The following TPGS2 variants were observed in gnomAD, a reference collection of about 807,000 sequenced individuals.
TPGS2 encodes the protein polyglutamylase subunit 2.
A neutral mutation model predicts 31.1 loss-of-function variants in TPGS2; 26 were observed. That is an observed-to-expected ratio of 0.84 (90% confidence interval 0.61 to 1.16). TPGS2 has a LOEUF of 1.16. Ranked by LOEUF, TPGS2 falls within the 50% of genes most tolerant of loss-of-function variation. TPGS2 has a pLI of 0.00. For synonymous variants in TPGS2, 130 were observed against 136.6 expected (o/e 0.95, Z 0.34); for missense variants, 351 against 363.8 (o/e 0.96, Z 0.29).
intron 6 of TPGS2, among the ~76,000 whole-genome samples, chr18:36,787,513 A>T (rs993475724): frequency 6.6e-6 from 1 of 152,218 alleles, no homozygotes; most frequent in African/African-American, 2.4e-5. Flanking sequence ...GGGAATAATT[A>T]TAGTTTTTTA....
rs1384784111 is a variant in TPGS2 at position 36,796,952 on chromosome 18, A to C, written c.756T>G (p.Phe252Leu). ...GGATTACGATCTTGTTCTTGCTCTT[A>C]AACACTTTGCTGGGATCTAGCTTAT... Reference protein sequence around the residue: ...FVNKLDPSKVFKSKNKIVIPK... With the variant: ...FVNKLDPSKVLKSKNKIVIPK... The change falls in exon 7 of 7, where the codon TTT (phenylalanine) becomes TTG (leucine). Residue 252 changes from phenylalanine to leucine, a missense_variant. Physicochemically the swap from Phe to Leu is conservative, Grantham distance 22. Coordinates refer to ENST00000334295, the MANE Select transcript of TPGS2 (RefSeq NM_015476.4). 6.2e-7 allele frequency: 1 copy of C among 1,605,790 alleles called. No homozygotes were observed. The highest frequency in any genetic ancestry group is 8.5e-7 in the Non-Finnish European group (1 of 1,177,496).
At chr18:36,781,798 C>A (rs909133505), downstream of TPGS2, 3 of 985,466 alleles carry the variant, frequency 3.0e-6, no homozygotes, top group Non-Finnish European at 3.6e-6. Context: ...ACCCCACTTA[C>A]GGAGACAGGG....
At chr18:36,827,495 C>T (rs935491404) in intron 1 of TPGS2, among the ~76,000 whole-genome samples, 32 of 152,162 alleles carry the variant, frequency 2.1e-4, no homozygotes, top group Admixed American at 2.0e-3. Flanking sequence ...AGCAGGAACC[C>T]GCTTAGTGTG....
At chr18:36,814,757 C>T (rs1452238631) in intron 2 of TPGS2, among the ~76,000 whole-genome samples, 5 of 152,074 alleles carry the variant, frequency 3.3e-5, no homozygotes, top group African/African-American at 1.2e-4. Flanking sequence ...CACTTTATTC[C>T]GATGTTGCTT....
chr18:36,794,931 AG>A lies in TPGS2; in HGVS notation c.*1873del. ...TAAGTGGTTAGTTTTGGGATTGAAA[AG>A]GTAAGAGGTCTCGCTATTTTAAAGC... On this transcript the variant is annotated 3_prime_UTR_variant, in exon 7 of 7. Coordinates refer to ENST00000334295, the MANE Select transcript of TPGS2 (RefSeq NM_015476.4). The A allele has an allele frequency of 1.0e-6, 1 of 985,108 alleles. No homozygotes were observed. Among genetic ancestry groups the A allele is most frequent in the African/African-American group, 1.7e-5 (1 of 57,210 alleles). The allele number at this position is 985,108 out of a possible 1,614,324, so 61.0% of individuals were successfully genotyped here. A position where few individuals can be genotyped will look rare whatever the true frequency, so the allele number is the denominator to read the frequency against.
chr18:36,828,938 C>T lies in TPGS2; in HGVS notation c.-171G>A. The T allele has an allele frequency of 2.1e-6, 2 of 963,108 alleles. No homozygotes were observed. The highest frequency in any genetic ancestry group is 3.0e-6 in the Non-Finnish European group (2 of 677,668). The allele number at this position is 963,108 out of a possible 1,614,324, so 59.7% of individuals were successfully genotyped here. Reference sequence around the variant, plus strand: ...GTCTGACAGCAGCAGCTCCGTGGGGCGCCGGTTCCCGCGGCCCCGCCCGGT... The same window carrying T: ...GTCTGACAGCAGCAGCTCCGTGGGGTGCCGGTTCCCGCGGCCCCGCCCGGT... On this transcript the variant is annotated 5_prime_UTR_variant, in exon 1 of 7. Coordinates refer to ENST00000334295, the MANE Select transcript of TPGS2 (RefSeq NM_015476.4).
In TPGS2 at chr18:36,796,434, T is replaced by C. The variant is rs901497813; in HGVS notation, c.*371A>G. Reference sequence around the variant, plus strand: ...ATAGTCATATGTGACTAGTGGCTCCTGAATGAACAATGCAGTTCTAATGCT... The same window carrying C: ...ATAGTCATATGTGACTAGTGGCTCCCGAATGAACAATGCAGTTCTAATGCT... On this transcript the variant is annotated 3_prime_UTR_variant, in exon 7 of 7. Transcript: ENST00000334295. 24 of 1,025,664 alleles carry C rather than the reference T, an allele frequency of 2.3e-5. No homozygotes were observed. Among genetic ancestry groups the C allele is most frequent in the Non-Finnish European group, 2.7e-5 (23 of 857,230 alleles). 63.5% of individuals were successfully genotyped at this position (1,025,664 alleles called of 1,614,324 possible).
At chr18:36,798,819 A>G (rs899343851) in intron 5 of TPGS2, among the ~76,000 whole-genome samples, 16 of 152,148 alleles carry the variant, frequency 1.1e-4, no homozygotes, top group Non-Finnish European at 2.2e-4. Context: ...TACTCTTACA[A>G]ATTTTTGCTA....
At chr18:36,802,840 A>C (rs1277562723) in intron 4 of TPGS2, among the ~76,000 whole-genome samples, 1 of 152,018 alleles carries the variant, frequency 6.6e-6, no homozygotes. Flanking sequence ...GTTGGCCAGA[A>C]TGGTCTTGAT....
chr18:36,818,811 T>C (rs991182312), intron 2 of TPGS2, 83 bp downstream of exon 2: 87 of 1,268,116 alleles, frequency 6.9e-5, no homozygotes, highest in Non-Finnish European at 9.0e-5. Context: ...GTAAATATTC[T>C]TCCTCCCCTA....
At chr18:36,787,929 A>G (rs2044179691) in intron 6 of TPGS2, among the ~76,000 whole-genome samples, 1 of 152,226 alleles carries the variant, frequency 6.6e-6, no homozygotes, top group Non-Finnish European at 1.5e-5. Context: ...GGAAGAAAAA[A>G]TTGCCTGAAA....
At chr18:36,787,155 T>G in intron 6 of TPGS2, 1 of 1,230,356 alleles carries the variant, frequency 8.1e-7, no homozygotes, top group Non-Finnish European at 1.0e-6. Flanking sequence ...GCATAGCATG[T>G]TACAGGTAGC....
intron 2 of TPGS2, among the ~76,000 whole-genome samples, chr18:36,813,275 T>A (rs2150643174): frequency 6.6e-6 from 1 of 152,282 alleles, no homozygotes; most frequent in South Asian, 2.1e-4. Context: ...TGCTTCTGCA[T>A]CCAAGGGAGG....
Position 36,796,896 on chromosome 18 carries a change from C to T in TPGS2, c.812G>A (p.Gly271Asp), listed in dbSNP as rs1417039537. The change falls in exon 7 of 7, where the codon GGT (glycine) becomes GAT (aspartate). Residue 271 changes from glycine to aspartate, a missense_variant. Coordinates refer to ENST00000334295, the MANE Select transcript of TPGS2 (RefSeq NM_015476.4). Reference sequence around the variant, plus strand: ...GGGTCCTGAGGGCCCTTTCTGGCCACCTGCAGGCTGCACAGGCCCTTTCTT... The same window carrying T: ...GGGTCCTGAGGGCCCTTTCTGGCCATCTGCAGGCTGCACAGGCCCTTTCTT... ...PKKKGPVQPA[G>D]GQKGPSGPSG... 2 of 1,611,336 alleles carry T rather than the reference C, an allele frequency of 1.2e-6. No individual in the cohort carries two copies. The highest frequency in any genetic ancestry group is 1.3e-5 in the African/African-American group (1 of 74,808).
downstream of TPGS2, chr18:36,794,105 A>T (rs367887789): frequency 4.5e-6 from 1 of 220,352 alleles, no homozygotes; most frequent in Non-Finnish European, 7.7e-6. Flanking sequence ...AAAATGCATG[A>T]TAGGAATTTA....
At chr18:36,825,960 CTTTAA>C (rs1204946565) in intron 1 of TPGS2, among the ~76,000 whole-genome samples, 1 of 152,168 alleles carries the variant, frequency 6.6e-6, no homozygotes. Context: ...TTTTGGTCTT[CTTTAA>C]TTTCTTTCCA....
downstream of TPGS2, among the ~76,000 whole-genome samples, chr18:36,792,173 C>T (rs143093172): frequency 6.6e-6 from 1 of 152,122 alleles, no homozygotes; most frequent in African/African-American, 2.4e-5. Flanking sequence ...CTACCAGGGA[C>T]TCTCTGAATG....
In TPGS2 at chr18:36,795,609, G is replaced by A. The variant is rs1260408798; in HGVS notation, c.*1196C>T. On this transcript the variant is annotated 3_prime_UTR_variant, in exon 7 of 7. Coordinates refer to ENST00000334295, the MANE Select transcript of TPGS2 (RefSeq NM_015476.4). ...ATTGAAAATCTGAGCAACCTTCTCT[G>A]TAAAAATTTCATTAAATGTAGTAGG... is the stretch of plus-strand genomic sequence containing the variant. 1.0e-6 allele frequency: 1 copy of A among 985,330 alleles called. No individual in the cohort carries two copies. Among genetic ancestry groups the A allele is most frequent in the African/African-American group, 1.7e-5 (1 of 57,252 alleles). The allele number at this position is 985,330 out of a possible 1,614,324, so 61.0% of individuals were successfully genotyped here.
At chr18:36,783,277 T>G in intron 6 of TPGS2, 1 of 379,790 alleles carries the variant, frequency 2.6e-6, no homozygotes, top group East Asian at 3.8e-5. Context: ...TTCAGGATGT[T>G]AAATTTTTCT....
Sources: gnomAD v4.1 joint callset for allele counts (sites outside exome capture counted in the v4.1 genomes callset) on GRCh38, gnomAD v4.1.1 for gene constraint, MANE v1.5 for transcripts, NCBI Gene and HGNC (gene_info 2026-07-23, HGNC 2026-07-21) for gene names.